The following STAU1 variants were observed in gnomAD, a reference collection of about 807,000 sequenced individuals.
STAU1 encodes the protein double-stranded RNA-binding protein Staufen homolog 1.
Under a neutral mutation model 62.9 loss-of-function variants are expected in STAU1, and 13 were observed. That is an observed-to-expected ratio of 0.21 (90% CI 0.13 to 0.33). The LOEUF is 0.33. STAU1 is among the 10% of genes least tolerant of loss of function. The pLI, the probability that STAU1 is intolerant of heterozygous loss-of-function variation, is 1.00. For synonymous variants in STAU1, 269 were observed against 265.1 expected (o/e 1.01, Z -0.14); for missense variants, 571 against 712.1 (o/e 0.80, Z 2.25).
At chr20:49,166,719 T>G (rs2093532193) in intron 2 of STAU1, among the ~76,000 whole-genome samples, 1 of 152,120 alleles carries the variant, frequency 6.6e-6, no homozygotes, top group South Asian at 2.1e-4. Context: ...CAGGAACAGG[T>G]GAATGTGAAC....
the STAU1 span, chr20:49,219,263 C>T: frequency 7.5e-7 from 1 of 1,337,308 alleles, no homozygotes; most frequent in Non-Finnish European, 1.0e-6. Context: ...TTGATGGCGT[C>T]ACACGAAACC....
chr20:49,123,120 A>T lies in STAU1; in HGVS notation c.938T>A (p.Leu313His). The change falls in exon 8 of 14, where the codon CTC (leucine) becomes CAC (histidine). Residue 313 changes from leucine (L) to histidine (H), a missense_variant. Around this residue, in one of 3 missense-constraint regions of STAU1, gnomAD observed 414 missense variants for 499.6 expected, o/e 0.83. Coordinates refer to ENST00000371856, the MANE Select transcript of STAU1 (RefSeq NM_017453.4). ...PEYTLLTERG[L>H]PRRREFVMQV... Reference sequence around the variant, plus strand: ...CATCACAAACTCCCTGCGGCGCGGGAGGCCTCGCTCTGTGAGGAGCGTGTA... The same window carrying T: ...CATCACAAACTCCCTGCGGCGCGGGTGGCCTCGCTCTGTGAGGAGCGTGTA... 6.2e-7 allele frequency: 1 copy of T among 1,611,416 alleles called. No homozygotes were observed. Among genetic ancestry groups the T allele is most frequent in the Non-Finnish European group, 8.5e-7 (1 of 1,178,660 alleles).
chr20:49,115,346 G>A (rs1013144456), intron 13 of STAU1, among the ~76,000 whole-genome samples: 14 of 152,098 alleles, frequency 9.2e-5, no homozygotes, highest in African/African-American at 3.1e-4. Context: ...TGTCGCCCAG[G>A]CTGGAGTGCA....
chr20:49,164,012 A>G (rs2093489098), intron 3 of STAU1, among the ~76,000 whole-genome samples: 1 of 152,108 alleles, frequency 6.6e-6, no homozygotes, highest in South Asian at 2.1e-4. Context: ...CAAGCTGATC[A>G]CTTGAGATCA....
chr20:49,140,055 G>A (rs865957637), intron 5 of STAU1, among the ~76,000 whole-genome samples: 3 of 150,488 alleles, frequency 2.0e-5, no homozygotes, highest in Admixed American at 6.6e-5. Flanking sequence ...GCGTGGTGAC[G>A]CGCACCTGTA....
At chr20:49,199,161 G>A in the STAU1 span, among the ~76,000 whole-genome samples, 2 of 151,526 alleles carry the variant, frequency 1.3e-5, no homozygotes, top group Non-Finnish European at 2.9e-5. Flanking sequence ...AAAACAAAAC[G>A]GACAACACCA....
intron 4 of STAU1, among the ~76,000 whole-genome samples, chr20:49,153,025 C>T (rs904347409): frequency 7.3e-5 from 11 of 150,306 alleles, no homozygotes; most frequent in East Asian, 2.0e-4. Flanking sequence ...CCGAGGTGGG[C>T]GGATCATGAG....
chr20:49,115,323 C>T (rs761897062), intron 13 of STAU1, among the ~76,000 whole-genome samples: 3 of 151,630 alleles, frequency 2.0e-5, no homozygotes, highest in Non-Finnish European at 2.9e-5. Context: ...TTTTTTGGGA[C>T]GGAGTCTTGC....
chr20:49,128,633 T>C (rs771060077), intron 6 of STAU1, among the ~76,000 whole-genome samples: 5 of 152,034 alleles, frequency 3.3e-5, no homozygotes, highest in Non-Finnish European at 7.4e-5. Flanking sequence ...GCAAAGGTTA[T>C]TTAATAAAGG....
chr20:49,219,013 C>CAA, the STAU1 span, among the ~76,000 whole-genome samples: 791 of 50,966 alleles, frequency 0.016, 7 homozygotes, highest in African/African-American at 0.024. Context: ...AACCCTGCCT[C>CAA]AAAAAAAAAA....
chr20:49,140,189 A>G (rs1329927046), intron 5 of STAU1, among the ~76,000 whole-genome samples: 1 of 152,078 alleles, frequency 6.6e-6, no homozygotes, highest in Non-Finnish European at 1.5e-5. Context: ...AAAAAAAAAA[A>G]GTAAGTTAAT....
intron 6 of STAU1, among the ~76,000 whole-genome samples, chr20:49,126,582 A>AAAAAAACAAAAAAAAAACAAAAC (rs2092622910): frequency 1.1e-5 from 1 of 89,926 alleles, no homozygotes; most frequent in African/African-American, 6.2e-5. Context: ...AGCAAAAAAA[A>AAAAAAACAAAAAAAAAACAAAAC]AAAAACAAAA....
At chr20:49,133,004 G>A (rs771211901) in intron 6 of STAU1, among the ~76,000 whole-genome samples, 2 of 152,168 alleles carry the variant, frequency 1.3e-5, no homozygotes, top group Non-Finnish European at 2.9e-5. Flanking sequence ...ATGCAAGCTA[G>A]TAAAAAATTC....
chr20:49,139,289 A>G (rs997456822), intron 5 of STAU1, among the ~76,000 whole-genome samples: 1 of 152,264 alleles, frequency 6.6e-6, no homozygotes, highest in Non-Finnish European at 1.5e-5. Flanking sequence ...AAGAGAGTGA[A>G]GAAAACCCAC....
chr20:49,185,304 A>C (rs1416954545), intron 1 of STAU1, among the ~76,000 whole-genome samples: 1 of 152,278 alleles, frequency 6.6e-6, no homozygotes, highest in Non-Finnish European at 1.5e-5. Context: ...GTCTCTGCCA[A>C]AACAGGACTG....
intron 5 of STAU1, among the ~76,000 whole-genome samples, chr20:49,142,660 T>G (rs565088091): frequency 6.6e-6 from 1 of 152,278 alleles, no homozygotes; most frequent in South Asian, 2.1e-4. Flanking sequence ...TTGTTTATTT[T>G]TTAAATAAGT....
At position 49,124,391 on chromosome 20, in the gene STAU1, G is replaced by A; in HGVS notation, c.806C>T (p.Thr269Ile). 6.2e-7 allele frequency: 1 copy of A among 1,613,954 alleles called. No homozygotes were observed. Among genetic ancestry groups the A allele is most frequent in the Non-Finnish European group, 8.5e-7 (1 of 1,179,996 alleles). Residue 269 changes from threonine to isoleucine, a missense_variant, in exon 7 of 14, where the codon ACA becomes ATA. Around this residue, in one of 3 missense-constraint regions of STAU1, gnomAD observed 414 missense variants for 499.6 expected, o/e 0.83. Transcript: ENST00000371856. ...AGTTCTCACCTTGACTATGGGTTTT[G>A]TTTTCTTTTTGATTCTAGGCTTTAC... ...ERVKPRIKKK[T>I]KPIVKPQTSP...
the STAU1 span, among the ~76,000 whole-genome samples, chr20:49,217,132 T>C: frequency 6.6e-6 from 1 of 152,000 alleles, no homozygotes; most frequent in Non-Finnish European, 1.5e-5. Flanking sequence ...TCTGTGAGTA[T>C]TAAAAAGAAA....
intron 12 of STAU1, among the ~76,000 whole-genome samples, chr20:49,116,737 A>G (rs1439431032): frequency 6.6e-6 from 1 of 152,160 alleles, no homozygotes; most frequent in East Asian, 1.9e-4. Flanking sequence ...CAGTTTTCTT[A>G]TAACAATAAT....
Sources: gnomAD v4.1 joint callset for allele counts (sites outside exome capture counted in the v4.1 genomes callset) on GRCh38, gnomAD v4.1.1 for gene constraint, gnomAD v4.1.1 regional missense constraint, MANE v1.5 for transcripts, NCBI Gene and HGNC (gene_info 2026-07-23, HGNC 2026-07-21) for gene names.